Variants in KIAA1217 observed in about 807,000 individuals in gnomAD.
KIAA1217 encodes the protein sickle tail protein homolog.
Under a neutral mutation model 163.9 loss-of-function variants are expected in KIAA1217, and 88 were observed. The observed-to-expected ratio is 0.54, with a 90% confidence interval of 0.45 to 0.64. The LOEUF is 0.64. Ranked by LOEUF, KIAA1217 falls within the 30% of genes least tolerant of loss-of-function variation. The probability of loss-of-function intolerance (pLI) is 0.00; values close to 1 mark genes in which losing one functional copy is unlikely to be tolerated. For synonymous variants in KIAA1217, 903 were observed against 923.1 expected (o/e 0.98, Z 0.39); for missense variants, 2,372 against 2,475.0 (o/e 0.96, Z 0.88).
At chr10:24,098,962 T>C (rs1467227478) in intron 2 of KIAA1217, among the ~76,000 whole-genome samples, 1 of 152,000 alleles carries the variant, frequency 6.6e-6, no homozygotes, top group Non-Finnish European at 1.5e-5. Flanking sequence ...CCAGCCTGGG[T>C]GACAGAGGGT....
chr10:23,775,532 G>A (rs527577435), intron 1 of KIAA1217, among the ~76,000 whole-genome samples: 2 of 152,238 alleles, frequency 1.3e-5, no homozygotes, highest in East Asian at 3.9e-4. Flanking sequence ...GCTGTGCCTG[G>A]ACCTTTGTCA....
chr10:24,001,859 A>T (rs1337500669), intron 1 of KIAA1217, among the ~76,000 whole-genome samples: 2 of 152,190 alleles, frequency 1.3e-5, no homozygotes, highest in African/African-American at 4.8e-5. Flanking sequence ...TGGTTTTCAC[A>T]GAAGAAAGAG....
intron 9 of KIAA1217, among the ~76,000 whole-genome samples, chr10:24,511,721 A>G (rs770202031): frequency 6.6e-6 from 1 of 152,162 alleles, no homozygotes; most frequent in Non-Finnish European, 1.5e-5. Flanking sequence ...TACCACAATA[A>G]AAAGACATTA....
chr10:24,233,368 T>A (rs1166054211), intron 2 of KIAA1217, among the ~76,000 whole-genome samples: 2 of 152,146 alleles, frequency 1.3e-5, no homozygotes, highest in Non-Finnish European at 2.9e-5. Flanking sequence ...TCATGAGGGA[T>A]CCACCAGCCT....
intron 1 of KIAA1217, among the ~76,000 whole-genome samples, chr10:23,956,535 A>C (rs1051680835): frequency 1.3e-5 from 2 of 152,162 alleles, no homozygotes; most frequent in African/African-American, 2.4e-5. Context: ...ATCAGTTACC[A>C]AATCCTGTTG....
intron 1 of KIAA1217, among the ~76,000 whole-genome samples, chr10:23,835,772 A>G (rs1366272715): frequency 6.6e-6 from 1 of 152,086 alleles, no homozygotes; most frequent in Non-Finnish European, 1.5e-5. Flanking sequence ...ACATATAGCC[A>G]AGTTGGCGGT....
intron 1 of KIAA1217, among the ~76,000 whole-genome samples, chr10:23,898,888 A>G (rs757613206): frequency 5.9e-5 from 9 of 152,092 alleles, no homozygotes; most frequent in African/African-American, 1.7e-4. Context: ...AGATTCATCT[A>G]TGTTATATCA....
At chr10:24,489,776 A>AC (rs2065874015) in intron 6 of KIAA1217, among the ~76,000 whole-genome samples, 1 of 141,074 alleles carries the variant, frequency 7.1e-6, no homozygotes, top group South Asian at 2.4e-4. Context: ...AGGTGAAAGG[A>AC]TCTCTTGAGC....
chr10:23,916,430 G>T (rs2038535565), intron 1 of KIAA1217, among the ~76,000 whole-genome samples: 1 of 152,160 alleles, frequency 6.6e-6, no homozygotes, highest in African/African-American at 2.4e-5. Context: ...CAGGCAATGT[G>T]TCTCTTCCTT....
chr10:24,274,565 A>G (rs2077083739), intron 2 of KIAA1217, among the ~76,000 whole-genome samples: 1 of 152,150 alleles, frequency 6.6e-6, no homozygotes, highest in Non-Finnish European at 1.5e-5. Flanking sequence ...AATACAGTCA[A>G]TTCTTGTTAT....
At chr10:24,235,013 T>G (rs1005695821) in intron 2 of KIAA1217, among the ~76,000 whole-genome samples, 1 of 152,150 alleles carries the variant, frequency 6.6e-6, no homozygotes, top group Non-Finnish European at 1.5e-5. Flanking sequence ...GACAGATACA[T>G]GTTGGAGGGA....
chr10:24,402,528 C>CAAAA (rs56323500), intron 3 of KIAA1217, among the ~76,000 whole-genome samples: 9 of 77,208 alleles, frequency 1.2e-4, no homozygotes, highest in Admixed American at 3.1e-4. Flanking sequence ...AAAAACAAAA[C>CAAAA]AAAAAAAAAA....
chr10:23,917,318 C>G (rs1471864101), intron 1 of KIAA1217, among the ~76,000 whole-genome samples: 5 of 152,152 alleles, frequency 3.3e-5, no homozygotes, highest in African/African-American at 1.2e-4. Context: ...AGGAACCACT[C>G]TCATTTCAGT....
intron 1 of KIAA1217, among the ~76,000 whole-genome samples, chr10:23,995,664 T>A (rs1379214448): frequency 6.6e-6 from 1 of 152,190 alleles, no homozygotes; most frequent in Non-Finnish European, 1.5e-5. Flanking sequence ...CCAGGGACTG[T>A]CTCATAAAAG....
At chr10:24,320,757 A>T (rs1054229962) in intron 2 of KIAA1217, among the ~76,000 whole-genome samples, 2 of 152,186 alleles carry the variant, frequency 1.3e-5, no homozygotes, top group Non-Finnish European at 2.9e-5. Context: ...TAAAAGCTAC[A>T]GAGAGGCCGG....
chr10:24,074,956 C>T (rs949366802), intron 2 of KIAA1217, among the ~76,000 whole-genome samples: 2 of 152,034 alleles, frequency 1.3e-5, no homozygotes, highest in Non-Finnish European at 2.9e-5. Context: ...GCCTTGGTCT[C>T]CAAAAGTGCT....
intron 1 of KIAA1217, among the ~76,000 whole-genome samples, chr10:23,918,657 C>G (rs1417907869): frequency 6.6e-6 from 1 of 151,734 alleles, no homozygotes; most frequent in East Asian, 1.9e-4. Flanking sequence ...CAGCATGTAC[C>G]CAGCACTGGA....
intron 2 of KIAA1217, among the ~76,000 whole-genome samples, chr10:24,095,430 T>C (rs1401914817): frequency 1.3e-5 from 2 of 152,174 alleles, no homozygotes; most frequent in South Asian, 2.1e-4. Flanking sequence ...GAGGACTTGA[T>C]AGTCCATAGC....
intron 2 of KIAA1217, among the ~76,000 whole-genome samples, chr10:24,270,179 C>A (rs1279192896): frequency 6.6e-6 from 1 of 152,200 alleles, no homozygotes; most frequent in African/African-American, 2.4e-5. Context: ...TTTTTATCAT[C>A]TTTCTTAGTA....
Sources: gnomAD v4.1 joint callset for allele counts (sites outside exome capture counted in the v4.1 genomes callset) on GRCh38, gnomAD v4.1.1 for gene constraint, MANE v1.5 for transcripts, NCBI Gene and HGNC (gene_info 2026-07-23, HGNC 2026-07-21) for gene names.